The following PVT1 variants were observed in gnomAD, a reference collection of about 807,000 sequenced individuals.
PVT1 encodes the protein Pvt1 oncogene, also known as CXCR4/PVT1 fusion.
chr8:127,889,276 T>C lies in PVT1; in HGVS notation n.373-1313T>C, dbSNP rs549090391. On this transcript the variant is annotated intron_variant and non_coding_transcript_variant, in intron 2 of 10. Transcript: ENST00000651587. ...TCCCAAATAGCTGGAATTACAGGCA[T>C]GCACCACCACACCCAGCTAATTTTT... 2.0e-5 allele frequency among the ~76,000 whole-genome samples: 3 copies of C among 152,010 alleles called. No homozygotes were observed. In the South Asian group the frequency reaches 6.2e-4, roughly 32 times the overall value.
intron 4 of PVT1, among the ~76,000 whole-genome samples, chr8:128,004,101 C>T (rs1529335): frequency 0.16 from 24,777 of 152,106 alleles, 2,261 homozygotes; most frequent in Admixed American, 0.25. Flanking sequence ...TTAACCTTAC[C>T]AACCTCCATA....
intron 3 of PVT1, among the ~76,000 whole-genome samples, chr8:127,908,308 T>C (rs983612108): frequency 6.6e-6 from 1 of 151,868 alleles, no homozygotes; most frequent in Admixed American, 6.6e-5. Flanking sequence ...CATCCCTTCC[T>C]CTTCAGTTTC....
At chr8:127,800,268 C>T (rs1001440246) in intron 2 of PVT1, among the ~76,000 whole-genome samples, 6 of 152,064 alleles carry the variant, frequency 3.9e-5, no homozygotes, top group Non-Finnish European at 7.4e-5. Context: ...CATTCATTTC[C>T]TGAGCAGTTG....
At chr8:127,974,445 C>T (rs1191031019) in intron 3 of PVT1, among the ~76,000 whole-genome samples, 4 of 152,096 alleles carry the variant, frequency 2.6e-5, no homozygotes, top group Non-Finnish European at 5.9e-5. Flanking sequence ...GAGATGGAGT[C>T]TCACTCTCAC....
chr8:127,924,287 A>G (rs537438166), intron 3 of PVT1, among the ~76,000 whole-genome samples: 32 of 152,260 alleles, frequency 2.1e-4, no homozygotes, highest in Admixed American at 1.2e-3. Context: ...TATAATTCAC[A>G]TATAATTCAC....
chr8:127,973,041 G>T (rs1816781833), intron 3 of PVT1, among the ~76,000 whole-genome samples: 1 of 152,180 alleles, frequency 6.6e-6, no homozygotes, highest in Admixed American at 6.5e-5. Flanking sequence ...ACAGGTTCAT[G>T]CCACAATGTC....
chr8:127,838,995 A>G (rs1563618365), intron 2 of PVT1, among the ~76,000 whole-genome samples: 1 of 152,216 alleles, frequency 6.6e-6, no homozygotes, highest in Non-Finnish European at 1.5e-5. Context: ...TGTTCAGTAC[A>G]GTAACATGCC....
intron 2 of PVT1, among the ~76,000 whole-genome samples, chr8:127,873,684 A>C (rs759579975): frequency 2.6e-5 from 4 of 152,170 alleles, no homozygotes; most frequent in Non-Finnish European, 5.9e-5. Context: ...CACAGTATGC[A>C]ATGGAGGCAG....
At position 128,030,672 on chromosome 8, in the gene PVT1, A is replaced by T. The variant is rs1361145956; in HGVS notation, n.913-39488A>T. On this transcript the variant is annotated intron_variant and non_coding_transcript_variant, in intron 4 of 10. Transcript: ENST00000651587. ...AGAACAGGGACTGTGTGCCTCACTT[A>T]CTGTCATCTCCCCAGCATCTGCCAC... 2.0e-5 allele frequency among the ~76,000 whole-genome samples: 3 copies of T among 152,318 alleles called. No homozygotes were observed. In the East Asian group the frequency reaches 5.8e-4, roughly 29 times the overall value.
chr8:127,847,450 G>T (rs892758368), intron 2 of PVT1, among the ~76,000 whole-genome samples: 1 of 152,170 alleles, frequency 6.6e-6, no homozygotes, highest in African/African-American at 2.4e-5. Context: ...CTTTGACCTG[G>T]CCATCTCATG....
intron 2 of PVT1, among the ~76,000 whole-genome samples, chr8:127,885,907 C>T (rs1815517023): frequency 6.6e-6 from 1 of 152,084 alleles, no homozygotes; most frequent in Non-Finnish European, 1.5e-5. Context: ...CCATCTTCCT[C>T]TTGGGTCTAA....
chr8:127,830,793 G>A (rs994937461), intron 2 of PVT1, among the ~76,000 whole-genome samples: 15 of 152,042 alleles, frequency 9.9e-5, no homozygotes, highest in Non-Finnish European at 1.9e-4. Context: ...TAAGCTGGTG[G>A]GCACAATCTA....
chr8:127,855,000 C>T (rs938389442), intron 2 of PVT1, among the ~76,000 whole-genome samples: 1 of 152,194 alleles, frequency 6.6e-6, no homozygotes, highest in Non-Finnish European at 1.5e-5. Context: ...AAGATACTGA[C>T]TCAGAGGCAC....
intron 3 of PVT1, among the ~76,000 whole-genome samples, chr8:127,978,640 C>T (rs1241650740): frequency 6.6e-6 from 1 of 152,090 alleles, no homozygotes; most frequent in Non-Finnish European, 1.5e-5. Context: ...CGTGCCACCA[C>T]ACCTGGCTAA....
At chr8:128,034,472 T>A (rs533830368) in intron 4 of PVT1, among the ~76,000 whole-genome samples, 2 of 152,358 alleles carry the variant, frequency 1.3e-5, no homozygotes, top group South Asian at 4.1e-4. Context: ...ATACACTTAC[T>A]GTGCTGTTCT....
chr8:127,875,382 T>A (rs2129776641), intron 2 of PVT1, among the ~76,000 whole-genome samples: 1 of 148,348 alleles, frequency 6.7e-6, no homozygotes, highest in Admixed American at 6.6e-5. Context: ...TCTCTCTCTC[T>A]CTTCTTTCTC....
intron 2 of PVT1, among the ~76,000 whole-genome samples, chr8:127,799,725 G>A (rs1563608529): frequency 6.6e-6 from 1 of 152,194 alleles, no homozygotes; most frequent in Non-Finnish European, 1.5e-5. Context: ...TCTGGCAGAG[G>A]ACCTGGGCTC....
At chr8:127,835,708 A>T (rs1433533731) in intron 2 of PVT1, among the ~76,000 whole-genome samples, 1 of 152,180 alleles carries the variant, frequency 6.6e-6, no homozygotes, top group Non-Finnish European at 1.5e-5. Flanking sequence ...GTTCCTGTTG[A>T]TCGAGTGAAT....
intron 4 of PVT1, among the ~76,000 whole-genome samples, chr8:128,047,857 A>T (rs1813638870): frequency 6.6e-6 from 1 of 152,244 alleles, no homozygotes; most frequent in Admixed American, 6.5e-5. Flanking sequence ...TTCACATCAT[A>T]TATTATAAAT....
Sources: gnomAD v4.1 joint callset for allele counts (sites outside exome capture counted in the v4.1 genomes callset) on GRCh38, gnomAD v4.1.1 for gene constraint, MANE v1.5 for transcripts, NCBI Gene and HGNC (gene_info 2026-07-23, HGNC 2026-07-21) for gene names.